Variants in AP4S1 observed in about 807,000 individuals in gnomAD.
The protein encoded by AP4S1 is AP-4 complex subunit sigma-1.
Under a neutral mutation model 19.8 loss-of-function variants are expected in AP4S1, and 23 were observed. The ratio of observed to expected loss-of-function variants is 1.16; its 90% CI spans 0.84 to 1.65. The LOEUF (loss-of-function observed/expected upper bound fraction) is 1.65, where lower values mean the gene tolerates loss of function less well. Among genes scored for constraint, AP4S1 ranks in the 40% most tolerant of loss-of-function variants. The pLI is 0.00. For missense variants in AP4S1, 166 were observed against 172.8 expected, an observed-to-expected ratio of 0.96 and a Z score of 0.22; for synonymous variants, 46 against 54.1, an observed-to-expected ratio of 0.85 and a Z score of 0.66.
intron 1 of AP4S1, among the ~76,000 whole-genome samples, chr14:31,045,149 G>A (rs1349244865): frequency 3.3e-5 from 5 of 152,112 alleles, no homozygotes; most frequent in East Asian, 1.9e-4. Flanking sequence ...TGATCCGCCC[G>A]CTTCGGCCTC....
chr14:31,026,193 G>T (rs1431298886), intron 1 of AP4S1: 2 of 1,428,900 alleles, frequency 1.4e-6, no homozygotes, highest in African/African-American at 1.5e-5. Flanking sequence ...CATTGTGTGT[G>T]GGGCCCCGGC....
intron 1 of AP4S1, among the ~76,000 whole-genome samples, chr14:31,064,096 G>A (rs1886585249): frequency 6.6e-6 from 1 of 152,156 alleles, no homozygotes; most frequent in Non-Finnish European, 1.5e-5. Context: ...AAACAAATAT[G>A]AGATTCAATA....
intron 1 of AP4S1, among the ~76,000 whole-genome samples, chr14:31,034,388 T>G (rs1017502777): frequency 6.6e-5 from 10 of 152,208 alleles, no homozygotes; most frequent in Non-Finnish European, 1.2e-4. Flanking sequence ...TCTTTGCTTC[T>G]TTTGTTTTAT....
At chr14:31,065,681 G>A (rs1886674654) in intron 1 of AP4S1, among the ~76,000 whole-genome samples, 1 of 151,650 alleles carries the variant, frequency 6.6e-6, no homozygotes, top group Admixed American at 6.6e-5. Context: ...ATTTTTTTGA[G>A]ACAGGGTTTT....
chr14:31,043,202 C>CA (rs1349041463), intron 1 of AP4S1, among the ~76,000 whole-genome samples: 1 of 148,288 alleles, frequency 6.7e-6, no homozygotes, highest in Non-Finnish European at 1.5e-5. Flanking sequence ...GCCTGGGTGA[C>CA]AGAGCGAGAC....
Position 31,065,862 on chromosome 14 carries a change from A to G in AP4S1, c.-71-264A>G, listed in dbSNP as rs541082967. 1.8e-4 allele frequency among the ~76,000 whole-genome samples: 27 copies of G among 152,052 alleles called. No homozygotes were observed. The East Asian group carries it at 5.0e-3, about 28-fold the overall frequency. ...TTTTTAGTAGAGACAGGGTTTCACC[A>G]TGTTATCCAGGATGGTCTCGATCTC... On this transcript the variant is annotated intron_variant, in intron 1 of 5. Coordinates refer to ENST00000542754, the MANE Select transcript of AP4S1 (RefSeq NM_001128126.3).
intron 4 of AP4S1, chr14:31,073,283 G>A (rs558341553): frequency 1.9e-4 from 63 of 324,622 alleles, no homozygotes; most frequent in Non-Finnish European, 3.1e-4. Context: ...AAGGTCAGGA[G>A]ATGGAGACCA....
rs1302680724 is a variant in AP4S1, at chr14:31,095,849, C to T, written c.*2814C>T. Reference sequence around the variant, plus strand: ...CTATAATCCCAGCACTTTGGGACGCCAAGGTGGGTAGATCATTTGAGGTCA... The same window carrying T: ...CTATAATCCCAGCACTTTGGGACGCTAAGGTGGGTAGATCATTTGAGGTCA... On this transcript the variant is annotated 3_prime_UTR_variant, in exon 6 of 6. Transcript: ENST00000542754. 1 of 151,798 alleles carries T rather than the reference C, an allele frequency of 6.6e-6. No individual in the cohort carries two copies. Among genetic ancestry groups the T allele is most frequent in the African/African-American group, 2.4e-5 (1 of 41,314 alleles). 9.4% of individuals were successfully genotyped at this position (151,798 alleles called of 1,614,324 possible).
In AP4S1 at chr14:31,075,965, A is replaced by C. The variant is rs1046161639; in HGVS notation, c.294+2992A>C. Among the ~76,000 whole-genome samples the C allele has an allele frequency of 2.0e-5, 3 of 152,076 alleles. No homozygotes were observed. In the East Asian group the frequency reaches 5.8e-4, roughly 29 times the overall value. On this transcript the variant is annotated intron_variant, in intron 4 of 5. Transcript: ENST00000542754. ...TGTTGAGGCTGGTCTCAAACTCCTG[A>C]CCTCAGGTGATCCGCCTGCCTCGGC...
At chr14:31,072,710 C>G (rs552871396) in intron 3 of AP4S1, among the ~76,000 whole-genome samples, 195 bp from the exon 4 acceptor site, 1 of 151,914 alleles carries the variant, frequency 6.6e-6, no homozygotes, top group Non-Finnish European at 1.5e-5. Flanking sequence ...TACATTTCCC[C>G]CATTGATAAA....
intron 1 of AP4S1, among the ~76,000 whole-genome samples, chr14:31,062,041 G>A (rs907172104): frequency 2.0e-5 from 3 of 151,978 alleles, no homozygotes; most frequent in African/African-American, 4.8e-5. Context: ...TTAATGTTTT[G>A]TATATAGCAA....
intron 1 of AP4S1, among the ~76,000 whole-genome samples, chr14:31,063,666 A>AT (rs1886561916): frequency 6.6e-6 from 1 of 152,192 alleles, no homozygotes; most frequent in African/African-American, 2.4e-5. Context: ...AGACCAGAAC[A>AT]GACTAAAGCA....
At chr14:31,038,943 C>T (rs762771066) in intron 1 of AP4S1, among the ~76,000 whole-genome samples, 4 of 151,584 alleles carry the variant, frequency 2.6e-5, no homozygotes, top group Admixed American at 6.6e-5. Flanking sequence ...CACCATCAAA[C>T]ATTGGGAGCA....
Position 31,095,681 on chromosome 14 carries a change from A to G in AP4S1, c.*2646A>G, listed in dbSNP as rs979264192. 1 of 152,228 alleles carries G rather than the reference A, an allele frequency of 6.6e-6. No individual in the cohort carries two copies. The highest frequency in any genetic ancestry group is 2.4e-5 in the African/African-American group (1 of 41,456). 9.4% of individuals were successfully genotyped at this position (152,228 alleles called of 1,614,324 possible). A position where few individuals can be genotyped will look rare whatever the true frequency, so the allele number is the denominator to read the frequency against. ...TGATCCATCTGCCTTCGCCTTCCAA[A>G]GTGTTGGGATTACAGGCCTGAGCCA... On this transcript the variant is annotated 3_prime_UTR_variant, in exon 6 of 6. Coordinates refer to ENST00000542754, the MANE Select transcript of AP4S1 (RefSeq NM_001128126.3).
chr14:31,084,271 A>G (rs938749861), intron 5 of AP4S1, among the ~76,000 whole-genome samples: 7 of 152,200 alleles, frequency 4.6e-5, no homozygotes, highest in Admixed American at 2.0e-4. Flanking sequence ...ATTCCCAGGA[A>G]GCCCCCTGTC....
chr14:31,061,412 T>C (rs1886432482), intron 1 of AP4S1, among the ~76,000 whole-genome samples: 1 of 152,192 alleles, frequency 6.6e-6, no homozygotes, highest in Admixed American at 6.5e-5. Context: ...GATCAAGCCC[T>C]GTAAATCAGC....
intron 4 of AP4S1, among the ~76,000 whole-genome samples, chr14:31,076,993 G>A (rs1314269970): frequency 7.2e-5 from 11 of 152,090 alleles, no homozygotes; most frequent in Admixed American, 5.2e-4. Context: ...GTGCAATGGC[G>A]TGATCTCGGC....
chr14:31,066,263 G>A lies in AP4S1; in HGVS notation c.67G>A (p.Val23Met), dbSNP rs778176081. ...QTRLSKYYEHVDINKRTLLET... is the reference protein window; with the variant it reads ...QTRLSKYYEHMDINKRTLLET... ...TCGACTTTCTAAGTACTATGAACAT[G>A]TGGATATTAATAAGCGTACACTTCT... Residue 23 changes from valine to methionine, a missense_variant, in exon 2 of 6, where the codon GTG becomes ATG. By Grantham distance (21) the Val-to-Met change is conservative. Transcript: ENST00000542754. 15 of 1,613,766 alleles carry A rather than the reference G, an allele frequency of 9.3e-6. No homozygotes were observed. In the African/African-American group the frequency reaches 2.0e-4, roughly 22 times the overall value.
chr14:31,056,716 C>T (rs753497175), intron 1 of AP4S1, among the ~76,000 whole-genome samples: 8 of 152,118 alleles, frequency 5.3e-5, no homozygotes, highest in African/African-American at 1.4e-4. Flanking sequence ...AATTGTGCAG[C>T]GGTGTTAGAA....
Sources: gnomAD v4.1 joint callset for allele counts (sites outside exome capture counted in the v4.1 genomes callset) on GRCh38, gnomAD v4.1.1 for gene constraint, MANE v1.5 for transcripts, NCBI Gene and HGNC (gene_info 2026-07-23, HGNC 2026-07-21) for gene names.